PHF14: variants seen among roughly 807,000 people sequenced by gnomAD.
PHF14 encodes the protein PHD finger protein 14.
A neutral mutation model predicts 117.9 loss-of-function variants in PHF14; 55 were observed. The ratio of observed to expected loss-of-function variants is 0.47; its 90% confidence interval spans 0.38 to 0.58. PHF14 has a LOEUF of 0.58. Among genes scored for constraint, PHF14 ranks in the 20% least tolerant of loss-of-function variants. The pLI is 0.00. For missense variants in PHF14, 978 were observed against 1,122.2 expected (o/e 0.87, Z 1.84); for synonymous variants, 409 against 368.6 (o/e 1.11, Z -1.26).
At chr7:11,008,727 A>T (rs1783222010) in intron 4 of PHF14, among the ~76,000 whole-genome samples, 1 of 152,086 alleles carries the variant, frequency 6.6e-6, no homozygotes, top group African/African-American at 2.4e-5. Flanking sequence ...TCTCGTAAAC[A>T]ATATTACTCA....
At chr7:11,160,276 A>G (rs898667902) in intron 17 of PHF14, among the ~76,000 whole-genome samples, 1 of 152,164 alleles carries the variant, frequency 6.6e-6, no homozygotes, top group Non-Finnish European at 1.5e-5. Flanking sequence ...CATGGTATAT[A>G]TGTACATTTT....
At chr7:11,030,545 G>A (rs1213055497) in intron 7 of PHF14, among the ~76,000 whole-genome samples, 3 of 152,090 alleles carry the variant, frequency 2.0e-5, no homozygotes, top group Non-Finnish European at 4.4e-5. Flanking sequence ...GTGCATCTCC[G>A]TCTAAAGGCA....
chr7:11,166,929 A>G (rs946010464), intron 17 of PHF14, among the ~76,000 whole-genome samples: 6 of 152,204 alleles, frequency 3.9e-5, no homozygotes, highest in Non-Finnish European at 5.9e-5. Context: ...GAAAAATTCA[A>G]CAACAAAAAG....
intron 2 of PHF14, among the ~76,000 whole-genome samples, chr7:10,976,600 G>C (rs1280084611): frequency 1.3e-5 from 2 of 151,946 alleles, no homozygotes; most frequent in Non-Finnish European, 2.9e-5. Context: ...AATATTCACA[G>C]GTATCACTTC....
intron 4 of PHF14, among the ~76,000 whole-genome samples, chr7:11,003,617 C>T (rs1421843873): frequency 1.3e-5 from 2 of 152,244 alleles, no homozygotes; most frequent in African/African-American, 4.8e-5. Context: ...AAAAAGTTTA[C>T]CAAGTCCATC....
intron 16 of PHF14, among the ~76,000 whole-genome samples, chr7:11,102,000 T>C (rs1787109952): frequency 6.6e-6 from 1 of 151,830 alleles, no homozygotes; most frequent in African/African-American, 2.4e-5. Context: ...GAAAATTTCT[T>C]CCCCGAGTCT....
At chr7:11,064,987 C>T (rs897355727) in intron 16 of PHF14, among the ~76,000 whole-genome samples, 4 of 151,966 alleles carry the variant, frequency 2.6e-5, no homozygotes, top group African/African-American at 9.7e-5. Flanking sequence ...AAATAAAGGT[C>T]ACAATTGGTA....
intron 14 of PHF14, among the ~76,000 whole-genome samples, chr7:11,056,692 CAA>C (rs1206103191): frequency 2.7e-5 from 4 of 150,888 alleles, no homozygotes; most frequent in Non-Finnish European, 4.4e-5. Flanking sequence ...AATTGAAAGA[CAA>C]ATATTTTTAG....
intron 4 of PHF14, among the ~76,000 whole-genome samples, chr7:11,001,510 GCTTTTTTATT>G (rs1360888296): frequency 2.6e-5 from 4 of 151,960 alleles, no homozygotes; most frequent in Non-Finnish European, 5.9e-5. Context: ...ACAATATTGA[GCTTTTTTATT>G]CATGAACATA....
At chr7:11,077,004 A>G (rs1269157277) in intron 16 of PHF14, among the ~76,000 whole-genome samples, 1 of 151,862 alleles carries the variant, frequency 6.6e-6, no homozygotes, top group African/African-American at 2.4e-5. Context: ...ACATATTAAA[A>G]TGCCATGTGT....
chr7:11,007,376 ATTG>A (rs1427192447), intron 4 of PHF14, among the ~76,000 whole-genome samples: 2 of 151,010 alleles, frequency 1.3e-5, no homozygotes, highest in African/African-American at 2.4e-5. Flanking sequence ...GTGATTTTTT[ATTG>A]TTTACAATTT....
chr7:11,015,325 A>G (rs1374240857), intron 5 of PHF14: 2 of 152,202 alleles, frequency 1.3e-5, no homozygotes, highest in Non-Finnish European at 2.9e-5. Context: ...CTACCATTGA[A>G]TCTTGGAGAA....
intron 17 of PHF14, among the ~76,000 whole-genome samples, chr7:11,114,820 C>T (rs1787552677): frequency 6.6e-6 from 1 of 151,996 alleles, no homozygotes; most frequent in African/African-American, 2.4e-5. Flanking sequence ...ATAGGCTATG[C>T]TTCAAAGCCA....
intron 2 of PHF14, among the ~76,000 whole-genome samples, 157 bp downstream of exon 2, chr7:10,975,102 C>A (rs749206003): frequency 1.8e-4 from 27 of 152,226 alleles, no homozygotes; most frequent in African/African-American, 6.5e-4. Context: ...GCCTTTAGAT[C>A]CTGTCACTAG....
chr7:10,990,013 A>T (rs1263102873), intron 3 of PHF14, among the ~76,000 whole-genome samples: 1 of 152,174 alleles, frequency 6.6e-6, no homozygotes, highest in Non-Finnish European at 1.5e-5. Context: ...TACTTAATAG[A>T]GTTCTCTGAC....
chr7:10,994,874 G>A (rs959142203), intron 4 of PHF14, among the ~76,000 whole-genome samples: 4 of 152,262 alleles, frequency 2.6e-5, no homozygotes, highest in South Asian at 2.1e-4. Flanking sequence ...TGCAAAGAGC[G>A]AAAGAACAAA....
intron 13 of PHF14, among the ~76,000 whole-genome samples, chr7:11,045,056 C>G (rs1784621635): frequency 6.6e-6 from 1 of 152,144 alleles, no homozygotes; most frequent in Non-Finnish European, 1.5e-5. Context: ...ACTACACACC[C>G]TTTTCCCCAT....
intron 16 of PHF14, chr7:11,107,032 C>T: frequency 1.0e-6 from 1 of 983,240 alleles, no homozygotes; most frequent in Non-Finnish European, 1.2e-6. Context: ...TTACAAATGG[C>T]TATAAATTAT....
At chr7:11,095,712 A>G (rs776913862) in intron 16 of PHF14, among the ~76,000 whole-genome samples, 10 of 152,110 alleles carry the variant, frequency 6.6e-5, no homozygotes, top group African/African-American at 2.2e-4. Context: ...ATAATTTTCT[A>G]TTTTCTGTGT....
Sources: gnomAD v4.1 joint callset for allele counts (sites outside exome capture counted in the v4.1 genomes callset) on GRCh38, gnomAD v4.1.1 for gene constraint, MANE v1.5 for transcripts, NCBI Gene and HGNC (gene_info 2026-07-23, HGNC 2026-07-21) for gene names.